The following WDPCP variants were observed in gnomAD, a reference collection of about 807,000 sequenced individuals.
WDPCP encodes the protein WD repeat-containing and planar cell polarity effector protein fritz homolog.
WDPCP carries 71 observed loss-of-function variants against 93.1 expected under a neutral mutation model. The observed-to-expected ratio is 0.76, with a 90% CI of 0.63 to 0.93. The LOEUF (loss-of-function observed/expected upper bound fraction) is 0.93. Among genes scored for constraint, WDPCP ranks in the 40% least tolerant of loss-of-function variants. The probability of loss-of-function intolerance (pLI) is 0.00; values close to 1 mark genes in which losing one functional copy is unlikely to be tolerated. For missense variants in WDPCP, 844 were observed against 887.4 expected (o/e 0.95, Z 0.62); for synonymous variants, 315 against 315.0 (o/e 1.00, Z 0.00).
At chr2:63,541,123 G>C (rs1312493108) in intron 1 of WDPCP, among the ~76,000 whole-genome samples, 1 of 152,048 alleles carries the variant, frequency 6.6e-6, no homozygotes, top group Non-Finnish European at 1.5e-5. Context: ...ACAGGCATGT[G>C]TCATCACATC....
intron 14 of WDPCP, among the ~76,000 whole-genome samples, chr2:63,219,251 C>G (rs149249737): frequency 2.2e-3 from 339 of 152,326 alleles, no homozygotes; most frequent in Non-Finnish European, 3.4e-3. Flanking sequence ...CTATGCTACT[C>G]TGAATGACAG....
At chr2:63,781,234 G>A (rs1301500140) in intron 2 of WDPCP, among the ~76,000 whole-genome samples, 2 of 152,140 alleles carry the variant, frequency 1.3e-5, no homozygotes, top group African/African-American at 4.8e-5. Context: ...GACTTGGGTT[G>A]GCTCTAAAAT....
intron 6 of WDPCP, among the ~76,000 whole-genome samples, chr2:63,480,341 C>A (rs1700195515): frequency 6.6e-6 from 1 of 151,986 alleles, no homozygotes; most frequent in East Asian, 1.9e-4. Context: ...AATGTAATTC[C>A]CATCAAATAC....
intron 2 of WDPCP, among the ~76,000 whole-genome samples, chr2:63,737,905 A>C (rs1669661281): frequency 6.6e-6 from 1 of 152,048 alleles, no homozygotes; most frequent in Non-Finnish European, 1.5e-5. Flanking sequence ...ATTTTGTTTG[A>C]GTTAGTATAC....
At chr2:63,622,555 T>A (rs990249961) in intron 3 of WDPCP, 2 of 1,613,774 alleles carry the variant, frequency 1.2e-6, no homozygotes, top group African/African-American at 2.7e-5. Context: ...AAGGTAGTCA[T>A]GGTCTGATTC....
chr2:63,148,596 C>CTTG (rs1671682527), intron 17 of WDPCP, among the ~76,000 whole-genome samples: 3 of 151,748 alleles, frequency 2.0e-5, no homozygotes. Flanking sequence ...TCACGTGATC[C>CTTG]ACCCACTACC....
At chr2:63,834,580 T>A in the WDPCP span, among the ~76,000 whole-genome samples, 2 of 152,232 alleles carry the variant, frequency 1.3e-5, no homozygotes, top group African/African-American at 4.8e-5. Context: ...CCTGGCCTGG[T>A]TGCAGTCCAG....
At chr2:63,462,779 T>A (rs2105763866) in intron 6 of WDPCP, among the ~76,000 whole-genome samples, 2 of 152,152 alleles carry the variant, frequency 1.3e-5, no homozygotes, top group East Asian at 1.9e-4. Flanking sequence ...ATTTCGAAGA[T>A]AAATAGCTGA....
intron 13 of WDPCP, among the ~76,000 whole-genome samples, chr2:63,262,638 A>C (rs1575008051): frequency 6.6e-6 from 1 of 151,990 alleles, no homozygotes; most frequent in African/African-American, 2.4e-5. Flanking sequence ...GTTTAGACGT[A>C]AGTGTGGGCT....
chr2:63,249,426 G>C (rs913466496), intron 14 of WDPCP, among the ~76,000 whole-genome samples: 9 of 152,110 alleles, frequency 5.9e-5, no homozygotes, highest in African/African-American at 2.2e-4. Flanking sequence ...ACATACCAAG[G>C]TGTTCTGCAG....
chr2:63,146,458 G>A (rs1432285616), intron 17 of WDPCP, among the ~76,000 whole-genome samples: 1 of 148,586 alleles, frequency 6.7e-6, no homozygotes, highest in Non-Finnish European at 1.5e-5. Context: ...AGGCTGGAGT[G>A]CAGTCGTGCA....
At chr2:63,699,053 C>G (rs901523446) in intron 2 of WDPCP, among the ~76,000 whole-genome samples, 1 of 152,184 alleles carries the variant, frequency 6.6e-6, no homozygotes, top group African/African-American at 2.4e-5. Context: ...CTGGCAATCT[C>G]CAAGCAACAC....
chr2:63,138,006 T>A (rs1023196159), intron 17 of WDPCP, among the ~76,000 whole-genome samples: 1 of 152,066 alleles, frequency 6.6e-6, no homozygotes, highest in African/African-American at 2.4e-5. Context: ...TCCAGCTTTT[T>A]GTTTTTCTTT....
At chr2:63,819,170 A>T (rs181092282) in intron 1 of WDPCP, among the ~76,000 whole-genome samples, 72 of 152,278 alleles carry the variant, frequency 4.7e-4, no homozygotes, top group African/African-American at 1.6e-3. Flanking sequence ...TCTGGGTTCA[A>T]ATCTTGGTTA....
Position 63,378,449 on chromosome 2 carries a change from G to A in WDPCP, c.1685C>T (p.Thr562Ile). ...YAPTRPLLDSTILEYRDQISK... is the reference protein window; with the variant it reads ...YAPTRPLLDSIILEYRDQISK... ...GATTTGATCTCTATATTCCAATATA[G>A]TGGAATCCAGAAGTGGTCTTGTTGG... Residue 562 changes from threonine (T) to isoleucine (I), a missense_variant, in exon 12 of 18, where the codon ACT becomes ATT. Coordinates refer to ENST00000272321, the MANE Select transcript of WDPCP (RefSeq NM_015910.7). 1 of 1,613,180 alleles carries A rather than the reference G, an allele frequency of 6.2e-7. No individual in the cohort carries two copies. The highest frequency in any genetic ancestry group is 8.5e-7 in the Non-Finnish European group (1 of 1,179,400).
At chr2:63,768,861 G>A (rs1017129810) in intron 2 of WDPCP, among the ~76,000 whole-genome samples, 2 of 151,996 alleles carry the variant, frequency 1.3e-5, no homozygotes, top group African/African-American at 2.4e-5. Context: ...TTAGCCCAAG[G>A]AGGTACTTTC....
At chr2:63,784,025 C>G (rs1670435456) in intron 2 of WDPCP, among the ~76,000 whole-genome samples, 1 of 152,128 alleles carries the variant, frequency 6.6e-6, no homozygotes, top group African/African-American at 2.4e-5. Context: ...TTTGTGTAAC[C>G]TTTATTCATT....
chr2:63,630,088 T>C (rs527713767), intron 3 of WDPCP, among the ~76,000 whole-genome samples: 1 of 152,178 alleles, frequency 6.6e-6, no homozygotes, highest in Admixed American at 6.5e-5. Context: ...AAGCTAAGCA[T>C]AAGTGATGTG....
chr2:63,493,564 A>T (rs1701025986), intron 1 of WDPCP, among the ~76,000 whole-genome samples: 1 of 151,718 alleles, frequency 6.6e-6, no homozygotes. Context: ...TTTTTTTGAA[A>T]AAACAAAATG....
Sources: gnomAD v4.1 joint callset for allele counts (sites outside exome capture counted in the v4.1 genomes callset) on GRCh38, gnomAD v4.1.1 for gene constraint, MANE v1.5 for transcripts, NCBI Gene and HGNC (gene_info 2026-07-23, HGNC 2026-07-21) for gene names.